Variants in LRP1B observed in about 807,000 individuals in gnomAD.
LRP1B encodes low-density lipoprotein receptor-related protein 1B.
A neutral mutation model predicts 556.6 loss-of-function variants in LRP1B; 217 were observed. That is an observed-to-expected ratio of 0.39 (90% CI 0.35 to 0.44). The LOEUF (loss-of-function observed/expected upper bound fraction) is 0.44, where lower values mean the gene tolerates loss of function less well. LRP1B is among the 20% of genes least tolerant of loss of function. The probability of loss-of-function intolerance (pLI) is 1.00; values close to 1 mark genes in which losing one functional copy is unlikely to be tolerated. For synonymous variants in LRP1B, 2,047 were observed against 1,865.8 expected, an observed-to-expected ratio of 1.10 and a Z score of -2.50; for missense variants, 5,053 against 5,620.8, an observed-to-expected ratio of 0.90 and a Z score of 3.23.
intron 6 of LRP1B, among the ~76,000 whole-genome samples, chr2:141,222,589 T>G (rs1438033599): frequency 6.6e-6 from 1 of 152,122 alleles, no homozygotes; most frequent in Non-Finnish European, 1.5e-5. Flanking sequence ...AAGGAAACTT[T>G]AGTCCAATAT....
At chr2:140,424,327 T>G (rs139413543) in intron 66 of LRP1B, among the ~76,000 whole-genome samples, 1 of 152,212 alleles carries the variant, frequency 6.6e-6, no homozygotes, top group Admixed American at 6.5e-5. Flanking sequence ...TTAAATATTT[T>G]TATGTAAACC....
intron 1 of LRP1B, among the ~76,000 whole-genome samples, chr2:141,887,608 A>G (rs952574923): frequency 6.6e-6 from 1 of 152,224 alleles, no homozygotes; most frequent in Non-Finnish European, 1.5e-5. Flanking sequence ...CAGGGCTGTT[A>G]CATACTAGAA....
intron 41 of LRP1B, among the ~76,000 whole-genome samples, chr2:140,691,945 T>C (rs998201874): frequency 1.3e-5 from 2 of 152,168 alleles, no homozygotes; most frequent in South Asian, 2.1e-4. Context: ...ATTATAGCTA[T>C]TGTTGAAAGT....
At chr2:141,298,807 TA>T (rs2105425116) in intron 3 of LRP1B, among the ~76,000 whole-genome samples, 1 of 151,672 alleles carries the variant, frequency 6.6e-6, no homozygotes, top group South Asian at 2.1e-4. Flanking sequence ...ACACAAAAAT[TA>T]TCCAGGTGTG....
intron 66 of LRP1B, among the ~76,000 whole-genome samples, chr2:140,387,695 G>C (rs900703599): frequency 4.0e-5 from 6 of 151,506 alleles, no homozygotes; most frequent in African/African-American, 1.2e-4. Flanking sequence ...CTTTGTCTGT[G>C]TTATATTTAA....
chr2:141,863,544 A>G (rs1258762308), intron 1 of LRP1B, among the ~76,000 whole-genome samples: 1 of 152,186 alleles, frequency 6.6e-6, no homozygotes, highest in Non-Finnish European at 1.5e-5. Context: ...TATAGCTTCC[A>G]ATAGACTAGT....
intron 18 of LRP1B, among the ~76,000 whole-genome samples, chr2:140,963,445 A>T (rs6751166): frequency 0.6 from 76,015 of 127,138 alleles, 20,856 homozygotes; most frequent in Non-Finnish European, 0.68. Context: ...ATGCATATTT[A>T]TATATATATA....
In LRP1B at chr2:141,115,645, GTGTGTGTGTGTGTT is replaced by G. The variant is rs1333321257; in HGVS notation, c.1014-53386_1014-53373del. Among the ~76,000 whole-genome samples, 444 of 120,046 alleles carry G rather than the reference GTGTGTGTGTGTGTT, an allele frequency of 3.7e-3. 2 individuals carry two copies. The highest frequency in any genetic ancestry group is 6.7e-3 in the Non-Finnish European group (349 of 52,464). The allele number at this position is 120,046 out of a possible 152,430, so 78.8% of individuals were successfully genotyped here. ...CTAATTTGTGTGTGTGTGTGTGTGT[GTGTGTGTGTGTGTT>G]TTTTAGTAGAGACGGGTTTTTGCCG... On this transcript the variant is annotated intron_variant, in intron 7 of 90. Transcript: ENST00000389484.
At chr2:140,486,627 A>G (rs2105365114) in intron 58 of LRP1B, among the ~76,000 whole-genome samples, 2 of 152,028 alleles carry the variant, frequency 1.3e-5, no homozygotes, top group African/African-American at 4.8e-5. Flanking sequence ...TTTTTAATGT[A>G]TTGTAATGAA....
chr2:140,854,112 T>C (rs1317416722), intron 27 of LRP1B, among the ~76,000 whole-genome samples: 1 of 118,242 alleles, frequency 8.5e-6, no homozygotes, highest in Non-Finnish European at 1.9e-5. Context: ...AAGAGAGGAG[T>C]AAAAGGGAAG....
chr2:141,418,432 ATTT>A (rs373970330), intron 3 of LRP1B, among the ~76,000 whole-genome samples: 3 of 140,882 alleles, frequency 2.1e-5, no homozygotes, highest in Non-Finnish European at 3.1e-5. Flanking sequence ...AGAGCACAAT[ATTT>A]TTTTTTTTTT....
At chr2:140,376,998 A>G (rs1017731915) in intron 68 of LRP1B, among the ~76,000 whole-genome samples, 1 of 152,178 alleles carries the variant, frequency 6.6e-6, no homozygotes, top group Non-Finnish European at 1.5e-5. Flanking sequence ...AGGTGAGTAC[A>G]TATGCTTCTC....
At chr2:141,771,288 C>T (rs1694890977) in intron 2 of LRP1B, among the ~76,000 whole-genome samples, 1 of 152,096 alleles carries the variant, frequency 6.6e-6, no homozygotes, top group African/African-American at 2.4e-5. Context: ...TGGATATGAA[C>T]AAGGCAGGTA....
At chr2:140,428,805 C>T (rs1158262252) in intron 66 of LRP1B, among the ~76,000 whole-genome samples, 1 of 152,162 alleles carries the variant, frequency 6.6e-6, no homozygotes, top group Non-Finnish European at 1.5e-5. Flanking sequence ...GGCTTCTAAA[C>T]CTCTTTAAAC....
chr2:140,944,844 T>C (rs535613077), intron 20 of LRP1B, among the ~76,000 whole-genome samples: 57 of 152,152 alleles, frequency 3.7e-4, no homozygotes, highest in Non-Finnish European at 7.2e-4. Context: ...CCCCTAAGGA[T>C]TGGAACAGGA....
chr2:140,387,129 T>A (rs1353981062), intron 66 of LRP1B, among the ~76,000 whole-genome samples: 1 of 152,282 alleles, frequency 6.6e-6, no homozygotes, highest in Non-Finnish European at 1.5e-5. Flanking sequence ...TTCGTGTACT[T>A]AGATCAACTC....
rs575837773 is a variant in LRP1B, at chr2:141,316,420, C to A, written c.344-61779G>T. Reference sequence around the variant, plus strand: ...TGCTCAGAGTTTTCAATATCCTTTTCATTTCCATTGTATCACTTTAAAAGA... The same window carrying A: ...TGCTCAGAGTTTTCAATATCCTTTTAATTTCCATTGTATCACTTTAAAAGA... On this transcript the variant is annotated intron_variant, in intron 3 of 90. Coordinates refer to ENST00000389484, the MANE Select transcript of LRP1B (RefSeq NM_018557.3). 5.3e-5 allele frequency among the ~76,000 whole-genome samples: 8 copies of A among 152,244 alleles called. No homozygotes were observed. In the South Asian group the frequency reaches 1.7e-3, roughly 32 times the overall value.
chr2:141,184,042 T>C (rs1189089728), intron 7 of LRP1B, among the ~76,000 whole-genome samples: 2 of 151,952 alleles, frequency 1.3e-5, no homozygotes, highest in Admixed American at 6.6e-5. Context: ...AGGAACAAAA[T>C]TGTAGACTAG....
chr2:140,711,745 A>C (rs1687037240), intron 37 of LRP1B, among the ~76,000 whole-genome samples: 1 of 152,126 alleles, frequency 6.6e-6, no homozygotes, highest in Admixed American at 6.6e-5. Context: ...TTTTAAGCTG[A>C]TAACCTTAGA....
Sources: allele counts gnomAD v4.1 joint callset (sites outside exome capture counted in the v4.1 genomes callset), GRCh38; gene constraint gnomAD v4.1.1; transcripts MANE v1.5; gene names NCBI Gene and HGNC (gene_info 2026-07-23, HGNC 2026-07-21).